DEUP1: variants seen among roughly 807,000 people sequenced by gnomAD.
The protein encoded by DEUP1 is coiled-coil domain containing 67.
In DEUP1, 82 loss-of-function variants were observed where a neutral mutation model predicts 87.4. The ratio of observed to expected loss-of-function variants is 0.94; its 90% CI spans 0.78 to 1.13. DEUP1 has a LOEUF of 1.13. Among genes scored for constraint, DEUP1 ranks in the 50% most tolerant of loss-of-function variants. The pLI, the probability that DEUP1 is intolerant of heterozygous loss-of-function variation, is 0.00. For missense variants in DEUP1, 663 were observed against 681.5 expected (o/e 0.97, Z 0.30); for synonymous variants, 214 against 222.7 (o/e 0.96, Z 0.35).
chr11:93,341,810 G>A (rs1463456662), intron 2 of DEUP1, among the ~76,000 whole-genome samples: 2 of 152,154 alleles, frequency 1.3e-5, no homozygotes, highest in Non-Finnish European at 2.9e-5. Context: ...TTCACTCACA[G>A]TTCTAGAGGC....
chr11:93,355,868 G>A (rs1944870243), intron 3 of DEUP1, among the ~76,000 whole-genome samples: 1 of 152,162 alleles, frequency 6.6e-6, no homozygotes, highest in Non-Finnish European at 1.5e-5. Context: ...CAAAGAAGTA[G>A]TCATCAAAAC....
chr11:93,337,723 A>C (rs535664673), intron 2 of DEUP1, among the ~76,000 whole-genome samples: 1 of 152,318 alleles, frequency 6.6e-6, no homozygotes, highest in Admixed American at 6.5e-5. Context: ...TTTGAAAGGA[A>C]GGAAAGTTAT....
chr11:93,386,207 C>T lies in DEUP1; in HGVS notation c.935+664C>T, dbSNP rs151042514. Among the ~76,000 whole-genome samples the T allele has an allele frequency of 4.4e-4, 67 of 152,182 alleles. No individual in the cohort carries two copies. In the East Asian group the frequency reaches 0.012, roughly 28 times the overall value. ...CTTGTACATATTGTATTTATTTTGG[C>T]CACCAAACTCGCCATCTTGTCTGTT... On this transcript the variant is annotated intron_variant, in intron 8 of 13. Coordinates refer to ENST00000298050, the MANE Select transcript of DEUP1 (RefSeq NM_181645.4).
rs143254283 is a variant in DEUP1 at position 93,371,302 on chromosome 11, A to G, written c.789+22A>G. 9.5e-5 allele frequency: 152 copies of G among 1,602,734 alleles called. No homozygotes were observed. The African/African-American group carries it at 1.7e-3, about 18-fold the overall frequency. ...CCAGGTGAAGATTAATTTTTTTTCAACTAATATTGTCCATGACTTGTATAA... is the reference window on the plus strand; with the variant it reads ...CCAGGTGAAGATTAATTTTTTTTCAGCTAATATTGTCCATGACTTGTATAA... On this transcript the variant is annotated intron_variant, in intron 7 of 13. Coordinates refer to ENST00000298050, the MANE Select transcript of DEUP1 (RefSeq NM_181645.4).
chr11:93,395,286 A>G (rs1946905578), intron 10 of DEUP1, among the ~76,000 whole-genome samples: 1 of 152,074 alleles, frequency 6.6e-6, no homozygotes, highest in Non-Finnish European at 1.5e-5. Flanking sequence ...ATGGCCTACT[A>G]TTGAGAGCAC....
At chr11:93,391,574 G>C (rs1946765821) in intron 9 of DEUP1, among the ~76,000 whole-genome samples, 2 of 151,950 alleles carry the variant, frequency 1.3e-5, no homozygotes, top group East Asian at 3.9e-4. Context: ...CAGGCATGGT[G>C]GTGCTCACCT....
At chr11:93,411,486 G>A (rs993871027) in intron 12 of DEUP1, among the ~76,000 whole-genome samples, 6 of 152,006 alleles carry the variant, frequency 3.9e-5, no homozygotes, top group African/African-American at 1.2e-4. Context: ...TGTTTTTAAT[G>A]CTCACTCACT....
At chr11:93,419,749 A>G (rs1026497553) in intron 13 of DEUP1, among the ~76,000 whole-genome samples, 5 of 152,090 alleles carry the variant, frequency 3.3e-5, no homozygotes, top group African/African-American at 1.2e-4. Context: ...GTTTATGTCA[A>G]CAGTTGGACT....
At chr11:93,351,802 T>C (rs1944639846) in intron 2 of DEUP1, among the ~76,000 whole-genome samples, 1 of 152,226 alleles carries the variant, frequency 6.6e-6, no homozygotes. Context: ...ATGTCAAAAC[T>C]GGTGAATATC....
At chr11:93,331,852 C>T (rs1419362744) in intron 1 of DEUP1, among the ~76,000 whole-genome samples, 1 of 152,144 alleles carries the variant, frequency 6.6e-6, no homozygotes, top group Non-Finnish European at 1.5e-5. Context: ...CGAGACCAGC[C>T]TGATCAACAT....
chr11:93,330,127 G>A (rs1943397084), upstream of DEUP1: 1 of 152,260 alleles, frequency 6.6e-6, no homozygotes. Context: ...ACAGGAACCA[G>A]GGGCTGAGCG....
intron 2 of DEUP1, among the ~76,000 whole-genome samples, chr11:93,335,562 T>G: frequency 6.6e-6 from 1 of 152,216 alleles, no homozygotes; most frequent in Non-Finnish European, 1.5e-5. Context: ...GGTTTACATA[T>G]TTCAGTGTTC....
chr11:93,413,584 GAT>G (rs1947514159), intron 12 of DEUP1, among the ~76,000 whole-genome samples: 1 of 152,060 alleles, frequency 6.6e-6, no homozygotes, highest in East Asian at 1.9e-4. Flanking sequence ...TTTCATGAAA[GAT>G]ATTTATTTAA....
chr11:93,408,245 T>C lies in DEUP1; in HGVS notation c.1341T>C (p.Thr447=), dbSNP rs1177032744. 1 of 1,573,620 alleles carries C rather than the reference T, an allele frequency of 6.4e-7. No individual in the cohort carries two copies. Among genetic ancestry groups the C allele is most frequent in the Admixed American group, 1.9e-5 (1 of 53,548 alleles). The change falls in exon 12 of 14, where the codon ACT becomes ACC. Residue 447 remains threonine, a synonymous_variant. Transcript: ENST00000298050. ...DPGEYMSMDF[T]NREQSRHTSI... ...TTATTCTCTAGAGTATGGACTTCAC[T>C]AACAGGGAACAGTCAAGGCATACAT...
intron 8 of DEUP1, among the ~76,000 whole-genome samples, chr11:93,386,061 G>A (rs1207163518): frequency 3.3e-5 from 5 of 151,400 alleles, no homozygotes; most frequent in Non-Finnish European, 7.4e-5. Context: ...AAAAAAAAAA[G>A]ATATTATACA....
intron 2 of DEUP1, among the ~76,000 whole-genome samples, chr11:93,338,363 G>A (rs540665019): frequency 4.6e-5 from 7 of 151,872 alleles, no homozygotes; most frequent in Non-Finnish European, 7.4e-5. Context: ...CACACCACAG[G>A]GACAAGCACA....
intron 4 of DEUP1, among the ~76,000 whole-genome samples, chr11:93,362,201 A>C (rs1329650290): frequency 6.6e-6 from 1 of 152,040 alleles, no homozygotes; most frequent in Non-Finnish European, 1.5e-5. Flanking sequence ...GCAACAAAAA[A>C]TTAGACAAAT....
intron 8 of DEUP1, among the ~76,000 whole-genome samples, chr11:93,386,855 A>G (rs1401444301): frequency 1.3e-5 from 2 of 152,200 alleles, no homozygotes; most frequent in Non-Finnish European, 2.9e-5. Flanking sequence ...CTAAAAACAT[A>G]AGACATTTCA....
rs1310390288 is a variant in DEUP1, at chr11:93,373,601, ATATT to A, written c.789+2325_789+2328del. Among the ~76,000 whole-genome samples, 161 of 110,194 alleles carry A rather than the reference ATATT, an allele frequency of 1.5e-3. 1 individual carries two copies. In the East Asian group the frequency reaches 0.03, roughly 21 times the overall value. 72.3% of individuals were successfully genotyped at this position (110,194 alleles called of 152,430 possible). A position where few individuals can be genotyped will look rare whatever the true frequency, so the allele number is the denominator to read the frequency against. On this transcript the variant is annotated intron_variant, in intron 7 of 13. Transcript: ENST00000298050. ...TATATACATATATATATACGTATATATATTTATATATGTATATATATACGTATAT... is the reference window on the plus strand; with the variant it reads ...TATATACATATATATATACGTATATATATATATGTATATATATACGTATAT...
Sources: allele counts gnomAD v4.1 joint callset (sites outside exome capture counted in the v4.1 genomes callset), GRCh38; gene constraint gnomAD v4.1.1; transcripts MANE v1.5; gene names NCBI Gene and HGNC (gene_info 2026-07-23, HGNC 2026-07-21).